Variants in CA4 observed in about 807,000 individuals in gnomAD.
CA4 encodes the protein carbonic anhydrase 4.
Under a neutral mutation model 34.5 loss-of-function variants are expected in CA4, and 24 were observed. That is an observed-to-expected ratio of 0.70 (90% CI 0.50 to 0.98). The LOEUF (loss-of-function observed/expected upper bound fraction) is 0.98. Among genes scored for constraint, CA4 ranks in the 50% least tolerant of loss-of-function variants. The pLI is 0.00. For missense variants in CA4, 394 were observed against 396.7 expected (o/e 0.99, Z 0.06); for synonymous variants, 178 against 170.6 (o/e 1.04, Z -0.34).
chr17:60,160,940 G>A (rs1196935629), downstream of CA4, among the ~76,000 whole-genome samples: 2 of 150,902 alleles, frequency 1.3e-5, no homozygotes, highest in African/African-American at 4.9e-5. Flanking sequence ...CAGGGGGAGG[G>A]GAGGCAGGAG....
downstream of CA4, among the ~76,000 whole-genome samples, chr17:60,172,975 C>A (rs2083924604): frequency 6.6e-6 from 1 of 152,050 alleles, no homozygotes; most frequent in Admixed American, 6.5e-5. Context: ...GAAACCCCAT[C>A]TCTACTAAAA....
chr17:60,152,709 A>C (rs2083613644), intron 1 of CA4, among the ~76,000 whole-genome samples: 1 of 152,094 alleles, frequency 6.6e-6, no homozygotes, highest in South Asian at 2.1e-4. Flanking sequence ...CTCCTTCAAG[A>C]CCTCTGCGGG....
chr17:60,165,287 T>C (rs2083843960), intron 5 of CA4, among the ~76,000 whole-genome samples: 1 of 152,144 alleles, frequency 6.6e-6, no homozygotes, highest in African/African-American at 2.4e-5. Context: ...GGGACATCCC[T>C]CAGCACTCTG....
chr17:60,164,666 T>TAG (rs2083837117), intron 5 of CA4, among the ~76,000 whole-genome samples: 1 of 152,092 alleles, frequency 6.6e-6, no homozygotes, highest in Non-Finnish European at 1.5e-5. Flanking sequence ...GCTGGGATTA[T>TAG]AGGCATGAGC....
At position 60,156,627 on chromosome 17, in the gene CA4, G is replaced by A. The variant is rs111561872; in HGVS notation, c.180G>A (p.Lys60=). The A allele has an allele frequency of 2.8e-4, 450 of 1,613,880 alleles. No homozygotes were observed. In the African/African-American group the frequency reaches 5.1e-3, roughly 18 times the overall value. ...CCCCCATCAACATCGTCACCACCAA[G>A]GCAAAGGTGGACAAAAAACTGGGAC... The part of the protein sequence containing the change: ...RQSPINIVTT[K]AKVDKKLGRF... Residue 60 remains lysine (K), a synonymous_variant, in exon 3 of 8, where the codon AAG becomes AAA. Coordinates refer to ENST00000300900, the MANE Select transcript of CA4 (RefSeq NM_000717.5).
Position 60,158,552 on chromosome 17 carries a change from G to A in CA4, c.744+106G>A, listed in dbSNP as rs1241511872. 5 of 1,117,398 alleles carry A rather than the reference G, an allele frequency of 4.5e-6. No homozygotes were observed. In the African/African-American group the frequency reaches 7.7e-5, roughly 17 times the overall value. 69.2% of individuals were successfully genotyped at this position (1,117,398 alleles called of 1,614,324 possible). On this transcript the variant is annotated intron_variant, in intron 7 of 7. Coordinates refer to ENST00000300900, the MANE Select transcript of CA4 (RefSeq NM_000717.5). The stretch of plus-strand genomic sequence containing the variant: ...CCTCAGGATACAGGTGGGGAGCCCA[G>A]GTAACTGAAGTCCGTTGTTAATCAT...
rs66850461 is a variant in CA4 at position 60,150,654 on chromosome 17, TAAAAAAAAAAAAAAA to T, written c.58+584_58+598del. 4.6e-3 allele frequency among the ~76,000 whole-genome samples: 156 copies of T among 33,916 alleles called. 5 individuals carry two copies. The East Asian group carries it at 0.046, about 10-fold the overall frequency. The allele number at this position is 33,916 out of a possible 152,430, so 22.3% of individuals were successfully genotyped here. On this transcript the variant is annotated intron_variant, in intron 1 of 7. Coordinates refer to ENST00000300900, the MANE Select transcript of CA4 (RefSeq NM_000717.5). Reference sequence around the variant, plus strand: ...CTGCACTCCAGCCTGGTGCTCCGTTTAAAAAAAAAAAAAAAAAAAAAAAAAAAAAAAAAAAAGGAT... The same window carrying T: ...CTGCACTCCAGCCTGGTGCTCCGTTTAAAAAAAAAAAAAAAAAAAAAGGAT...
intron 1 of CA4, among the ~76,000 whole-genome samples, chr17:60,151,248 G>A (rs1244086305): frequency 6.6e-6 from 1 of 152,078 alleles, no homozygotes; most frequent in Non-Finnish European, 1.5e-5. Context: ...CCTCTCCCAA[G>A]TTAGGTGCTC....
chr17:60,159,507 C>T lies in CA4; in HGVS notation c.*83C>T. ...CGGTCCTTAGCCTTCCCAGGTGGGA[C>T]TTTAGGCATGATTAAAATATGGACA... On this transcript the variant is annotated 3_prime_UTR_variant, in exon 8 of 8. Coordinates refer to ENST00000300900, the MANE Select transcript of CA4 (RefSeq NM_000717.5). 7.0e-7 allele frequency: 1 copy of T among 1,437,614 alleles called. No individual in the cohort carries two copies. Among genetic ancestry groups the T allele is most frequent in the Non-Finnish European group, 9.6e-7 (1 of 1,043,574 alleles). 89.1% of individuals were successfully genotyped at this position (1,437,614 alleles called of 1,614,324 possible).
chr17:60,158,448 T>C lies in CA4; in HGVS notation c.744+2T>C, dbSNP rs1398146374. 6 of 1,613,582 alleles carry C rather than the reference T, an allele frequency of 3.7e-6. No individual in the cohort carries two copies. Among genetic ancestry groups the C allele is most frequent in the Admixed American group, 3.3e-5 (2 of 59,986 alleles). On this transcript the variant is annotated splice_donor_variant, in intron 7 of 7. Coordinates refer to ENST00000300900, the MANE Select transcript of CA4 (RefSeq NM_000717.5). LOFTEE classifies it high-confidence loss of function. ...CCCATTCAGCTTCACAGAGAACAGG[T>C]GCACAGGGCCTGGGGCAGGGCATGG...
chr17:60,152,904 A>G (rs2145255898), intron 1 of CA4, among the ~76,000 whole-genome samples: 1 of 152,352 alleles, frequency 6.6e-6, no homozygotes, highest in East Asian at 1.9e-4. Context: ...CTGCATTATC[A>G]GAAAGTCAGG....
chr17:60,165,824 C>A (rs538513084), intron 5 of CA4, among the ~76,000 whole-genome samples: 1 of 150,862 alleles, frequency 6.6e-6, no homozygotes. Context: ...AGATAAATAA[C>A]AAATCTCTTT....
the CA4 span, chr17:60,178,996 G>C: frequency 2.6e-6 from 1 of 381,980 alleles, no homozygotes; most frequent in East Asian, 4.2e-5. Context: ...CAGGTGGCTG[G>C]TGCCAAACCT....
chr17:60,150,238 G>A (rs898911181), intron 1 of CA4, 146 bp downstream of exon 1: 5 of 648,184 alleles, frequency 7.7e-6, no homozygotes, highest in Non-Finnish European at 1.3e-5. Context: ...CGGGGGCCGC[G>A]AGGGTGCGGG....
chr17:60,169,262 A>AAGCAGCAGCAGCAGCAGC (rs75260260), intron 5 of CA4, among the ~76,000 whole-genome samples: 17 of 149,660 alleles, frequency 1.1e-4, no homozygotes, highest in Admixed American at 1.1e-3. Context: ...AAAAAAAAAA[A>AAGCAGCAGCAGCAGCAGC]AGCAGCAGCA....
intron 7 of CA4, 128 bp from the exon 8 acceptor site, chr17:60,159,102 G>A (rs1597997281): frequency 2.5e-6 from 2 of 797,172 alleles, no homozygotes; most frequent in East Asian, 5.3e-5. Flanking sequence ...CACCTTGAGA[G>A]CCAGGGGTTC....
downstream of CA4, among the ~76,000 whole-genome samples, chr17:60,164,180 C>T (rs2083828280): frequency 1.6e-5 from 2 of 125,180 alleles, no homozygotes; most frequent in African/African-American, 5.9e-5. Flanking sequence ...CTCTCTCTCT[C>T]TCTTTCTCTT....
downstream of CA4, chr17:60,159,629 C>CG (rs1362300135): frequency 1.6e-6 from 1 of 641,062 alleles, no homozygotes; most frequent in Non-Finnish European, 2.7e-6. Context: ...TGTTCCAGGG[C>CG]GGGGGCTTTA....
chr17:60,170,283 G>C (rs147391951), intron 5 of CA4, among the ~76,000 whole-genome samples: 3 of 152,198 alleles, frequency 2.0e-5, no homozygotes, highest in Admixed American at 6.5e-5. Context: ...CAGGTAGCCC[G>C]GTCTGGCAGG....
Sources: gnomAD v4.1 joint callset for allele counts (sites outside exome capture counted in the v4.1 genomes callset) on GRCh38, gnomAD v4.1.1 for gene constraint, MANE v1.5 for transcripts, NCBI Gene and HGNC (gene_info 2026-07-23, HGNC 2026-07-21) for gene names.